Variants in ST8SIA6 observed in about 807,000 individuals in gnomAD.
ST8SIA6 encodes the protein ST8 alpha-N-acetyl-neuraminide alpha-2,8-sialyltransferase 6.
ST8SIA6 carries 39 observed loss-of-function variants against 33.6 expected under a neutral mutation model. That is an observed-to-expected ratio of 1.16 (90% CI 0.90 to 1.52). ST8SIA6 has a LOEUF of 1.52. ST8SIA6 is among the 40% of genes most tolerant of loss of function. ST8SIA6 has a pLI of 0.00. For synonymous variants in ST8SIA6, 172 were observed against 167.2 expected (o/e 1.03, Z -0.22); for missense variants, 441 against 443.8 (o/e 0.99, Z 0.06).
intron 7 of ST8SIA6, among the ~76,000 whole-genome samples, chr10:17,322,250 A>G (rs1847984505): frequency 6.6e-6 from 1 of 151,790 alleles, no homozygotes; most frequent in Non-Finnish European, 1.5e-5. Context: ...GAGAAAAAGA[A>G]AGGAAAAAGA....
chr10:17,432,070 A>G (rs1273565485), intron 2 of ST8SIA6, among the ~76,000 whole-genome samples: 1 of 152,148 alleles, frequency 6.6e-6, no homozygotes, highest in Non-Finnish European at 1.5e-5. Context: ...CTCATGAAAG[A>G]CCCTTAGTCC....
chr10:17,389,564 G>A (rs1186542303), intron 3 of ST8SIA6, among the ~76,000 whole-genome samples: 4 of 152,102 alleles, frequency 2.6e-5, no homozygotes, highest in Admixed American at 6.6e-5. Context: ...ATGAGGCATG[G>A]AGCACTTGGA....
chr10:17,350,804 T>C (rs1047332505), intron 4 of ST8SIA6, among the ~76,000 whole-genome samples: 1 of 152,190 alleles, frequency 6.6e-6, no homozygotes, highest in Non-Finnish European at 1.5e-5. Flanking sequence ...ACAGGTAAGA[T>C]ACGGCCATTG....
chr10:17,394,383 A>G (rs996349368), intron 2 of ST8SIA6, among the ~76,000 whole-genome samples: 19 of 151,840 alleles, frequency 1.3e-4, no homozygotes, highest in African/African-American at 4.4e-4. Flanking sequence ...TCCTTACCCA[A>G]TAAAGGAATT....
intron 2 of ST8SIA6, 27 bp downstream of exon 2, chr10:17,453,532 G>A (rs1852998875): frequency 1.6e-6 from 2 of 1,279,992 alleles, no homozygotes; most frequent in Admixed American, 4.0e-5. Context: ...CCGAGCCCCA[G>A]TCCGCCCGCG....
rs374525256 is a variant in ST8SIA6, at chr10:17,331,398, C to A, written c.522+10G>T. ...GTAACACAAATAACCCACCAGAAAC[C>A]TTTACTCACCACTGGAAACATATGA... On this transcript the variant is annotated intron_variant, in intron 5 of 7. Coordinates refer to ENST00000377602, the MANE Select transcript of ST8SIA6 (RefSeq NM_001004470.3). 21 of 1,604,588 alleles carry A rather than the reference C, an allele frequency of 1.3e-5. No individual in the cohort carries two copies. In the African/African-American group the frequency reaches 2.7e-4, roughly 21 times the overall value.
chr10:17,372,063 G>A (rs956681958), intron 3 of ST8SIA6, among the ~76,000 whole-genome samples: 4 of 152,058 alleles, frequency 2.6e-5, no homozygotes, highest in African/African-American at 9.7e-5. Context: ...TAGTTGCTTT[G>A]TATTTCTGAA....
intron 4 of ST8SIA6, among the ~76,000 whole-genome samples, chr10:17,337,137 CA>C (rs1393756647): frequency 7.2e-6 from 1 of 138,962 alleles, no homozygotes; most frequent in Non-Finnish European, 1.5e-5. Context: ...AAGTGTGAAG[CA>C]CCTCCCCTTC....
rs145856853 is a variant in ST8SIA6 at position 17,316,404 on chromosome 10, G to A, written c.*4474C>T. Among the ~76,000 whole-genome samples the A allele has an allele frequency of 2.0e-5, 3 of 152,156 alleles. No individual in the cohort carries two copies. Among genetic ancestry groups the A allele is most frequent in the Non-Finnish European group, 2.9e-5 (2 of 67,946 alleles). On this transcript the variant is annotated 3_prime_UTR_variant, in exon 8 of 8. Transcript: ENST00000377602. ...CAGTCAAGTTAGTTCACTGACTTCC[G>A]AAGAGACAGATATCTGTGAGTCCAA...
At chr10:17,397,104 C>T (rs10159766) in intron 2 of ST8SIA6, among the ~76,000 whole-genome samples, 2 of 151,970 alleles carry the variant, frequency 1.3e-5, no homozygotes, top group African/African-American at 4.8e-5. Context: ...GGTGTTCCCC[C>T]ATACACTGCC....
chr10:17,376,213 T>C (rs1267406332), intron 3 of ST8SIA6, among the ~76,000 whole-genome samples: 1 of 152,194 alleles, frequency 6.6e-6, no homozygotes, highest in African/African-American at 2.4e-5. Context: ...TAGTAGCTAC[T>C]CTTTGAGCAG....
intron 2 of ST8SIA6, among the ~76,000 whole-genome samples, chr10:17,424,738 A>AT (rs779491848): frequency 0.011 from 1,525 of 140,920 alleles, 14 homozygotes; most frequent in African/African-American, 0.025. Context: ...AACATCATAA[A>AT]TTTTTTTTTT....
chr10:17,375,373 G>A (rs574371301), intron 3 of ST8SIA6, among the ~76,000 whole-genome samples: 1 of 152,192 alleles, frequency 6.6e-6, no homozygotes, highest in African/African-American at 2.4e-5. Context: ...AAGTTTGATC[G>A]GCCATAATTT....
chr10:17,340,366 G>C (rs369181269), intron 4 of ST8SIA6, among the ~76,000 whole-genome samples: 22 of 152,042 alleles, frequency 1.4e-4, no homozygotes, highest in African/African-American at 4.8e-4. Flanking sequence ...GCTCTGACCT[G>C]TGTCACCTTT....
intron 2 of ST8SIA6, chr10:17,409,956 T>A (rs1851398407): frequency 6.6e-6 from 1 of 152,092 alleles, no homozygotes; most frequent in Non-Finnish European, 1.5e-5. Context: ...TGAAAACCGG[T>A]CCAAGTCTGG....
chr10:17,424,124 G>A (rs1202689366), intron 2 of ST8SIA6, among the ~76,000 whole-genome samples: 7 of 142,836 alleles, frequency 4.9e-5, no homozygotes, highest in African/African-American at 1.6e-4. Context: ...TTTTTTTTGA[G>A]ATGGAGTCTC....
intron 2 of ST8SIA6, among the ~76,000 whole-genome samples, chr10:17,391,911 C>T (rs1027696044): frequency 4.1e-4 from 62 of 152,132 alleles, no homozygotes; most frequent in African/African-American, 1.4e-3. Context: ...GCTAAGGAAA[C>T]AATGTAAACC....
chr10:17,378,326 C>A (rs942872876), intron 3 of ST8SIA6, among the ~76,000 whole-genome samples: 2 of 152,160 alleles, frequency 1.3e-5, no homozygotes, highest in African/African-American at 2.4e-5. Flanking sequence ...AAACACACAG[C>A]TATTTGTCAC....
chr10:17,397,773 A>G (rs184324638), intron 2 of ST8SIA6, among the ~76,000 whole-genome samples: 1 of 152,278 alleles, frequency 6.6e-6, no homozygotes, highest in East Asian at 1.9e-4. Flanking sequence ...TGGTACTGGC[A>G]ACCAAGACTT....
Sources: allele counts gnomAD v4.1 joint callset (sites outside exome capture counted in the v4.1 genomes callset), GRCh38; gene constraint gnomAD v4.1.1; transcripts MANE v1.5; gene names NCBI Gene and HGNC (gene_info 2026-07-23, HGNC 2026-07-21).